The following C2 variants were observed in gnomAD, a reference collection of about 807,000 sequenced individuals.
C2 encodes the protein C3/C5 convertase.
Under a neutral mutation model 85.2 loss-of-function variants are expected in C2, and 64 were observed. The ratio of observed to expected loss-of-function variants is 0.75; its 90% confidence interval spans 0.61 to 0.92. C2 has a LOEUF of 0.92. Ranked by LOEUF, C2 falls within the 40% of genes least tolerant of loss-of-function variation. The probability of loss-of-function intolerance (pLI) is 0.00; values close to 1 mark genes in which losing one functional copy is unlikely to be tolerated. For missense variants in C2, 820 were observed against 971.6 expected, an observed-to-expected ratio of 0.84 and a Z score of 2.07; for synonymous variants, 311 against 370.8, an observed-to-expected ratio of 0.84 and a Z score of 1.85.
In C2 at chr6:31,927,847, T is replaced by C. The variant is rs775030343; in HGVS notation, c.46+49T>C. ...GTCAGGGTCCTGTGTGTGAGGTTGGTGCTCCCAGCTTGAATTCCCATGTGT... is the reference window on the plus strand; with the variant it reads ...GTCAGGGTCCTGTGTGTGAGGTTGGCGCTCCCAGCTTGAATTCCCATGTGT... On this transcript the variant is annotated intron_variant, in intron 1 of 17. Coordinates refer to ENST00000299367, the MANE Select transcript of C2 (RefSeq NM_000063.6). The surrounding 1 kb of genome is among the most constrained non-coding windows in gnomAD (Gnocchi z 4.7). The C allele has an allele frequency of 1.9e-6, 3 of 1,599,208 alleles. No homozygotes were observed. In the African/African-American group the frequency reaches 4.0e-5, roughly 21 times the overall value.
chr6:31,901,696 G>GC (rs560054595), intron 1 of C2: 58 of 191,060 alleles, frequency 3.0e-4, no homozygotes, highest in South Asian at 1.2e-3. Flanking sequence ...TCATTCCTCC[G>GC]CCCCCCCCTT....
chr6:31,927,752 C>T lies in C2; in HGVS notation c.-1C>T. 1.2e-6 allele frequency: 2 copies of T among 1,613,254 alleles called. No homozygotes were observed. The highest frequency in any genetic ancestry group is 1.1e-5 in the South Asian group (1 of 91,090). On this transcript the variant is annotated 5_prime_UTR_variant, in exon 1 of 18. Transcript: ENST00000299367. This position sits in a 1 kb window ranked among gnomAD's most constrained non-coding sequence, Gnocchi z 4.7. ...CTCTCGCCGCCCCTAGGGAGGACAC[C>T]ATGGGCCCACTGATGGTTCTTTTTT... is the stretch of plus-strand genomic sequence containing the variant.
intron 7 of C2, 90 bp downstream of exon 7, chr6:31,936,151 A>G (rs2151758344): frequency 7.0e-7 from 1 of 1,432,824 alleles, no homozygotes; most frequent in East Asian, 2.4e-5. Context: ...TTAAAAAGAG[A>G]GTGAGGCCTC....
At position 31,943,541 on chromosome 6, in the gene C2, T is replaced by C; in HGVS notation, c.1567+14T>C. The C allele has an allele frequency of 6.2e-7, 1 of 1,606,750 alleles. No homozygotes were observed. The highest frequency in any genetic ancestry group is 1.1e-5 in the South Asian group (1 of 90,966). Reference sequence around the variant, plus strand: ...GGGTCAATGTGGGTAAGGCAGGGGATGCACCAGCCTCCTGATCCTGAAGCC... The same window carrying C: ...GGGTCAATGTGGGTAAGGCAGGGGACGCACCAGCCTCCTGATCCTGAAGCC... On this transcript the variant is annotated intron_variant, in intron 12 of 17. Coordinates refer to ENST00000299367, the MANE Select transcript of C2 (RefSeq NM_000063.6). The surrounding 1 kb of genome is among the most constrained non-coding windows in gnomAD (Gnocchi z 6.4).
At chr6:31,914,003 G>A (rs1278723919) in intron 1 of C2, among the ~76,000 whole-genome samples, 1 of 151,242 alleles carries the variant, frequency 6.6e-6, no homozygotes, top group African/African-American at 2.4e-5. Context: ...TGCAACCTGC[G>A]ATCCGACTCC....
At chr6:31,934,391 C>A in intron 6 of C2, 92 bp downstream of exon 6, 1 of 1,510,710 alleles carries the variant, frequency 6.6e-7, no homozygotes, top group Non-Finnish European at 9.2e-7. Flanking sequence ...CCACTCACAG[C>A]CCACCTCCTC....
intron 3 of C2, among the ~76,000 whole-genome samples, chr6:31,933,091 CAGAGGGAGACCGTGGAAAGAGAGGG>C (rs1408113652): frequency 9.3e-5 from 14 of 150,228 alleles, no homozygotes; most frequent in African/African-American, 2.9e-4. Flanking sequence ...GGCTCGGCAT[CAGAGGGAGACCGTGGAAAGAGAGGG>C]AGAGGGAGAC....
Position 31,943,952 on chromosome 6 carries a change from T to A in C2, c.1769T>A (p.Leu590Gln). 1.2e-6 allele frequency: 2 copies of A among 1,612,988 alleles called. No homozygotes were observed. The highest frequency in any genetic ancestry group is 1.7e-6 in the Non-Finnish European group (2 of 1,180,010). The change falls in exon 14 of 18, where the codon CTG becomes CAG. Residue 590 changes from leucine (L) to glutamine (Q), a missense_variant. Coordinates refer to ENST00000299367, the MANE Select transcript of C2 (RefSeq NM_000063.6). The surrounding 1 kb of genome is among the most constrained non-coding windows in gnomAD (Gnocchi z 6.4). ...CTTCCCTGCACGATGGAGGCCAATC[T>A]GGCTCTGCGGAGACCTCAAGGCAGC... ...ICLPCTMEAN[L>Q]ALRRPQGSTC... is the part of the protein sequence containing the mutation.
chr6:31,907,664 G>A (rs1321503800), intron 1 of C2, among the ~76,000 whole-genome samples: 1 of 147,970 alleles, frequency 6.8e-6, no homozygotes, highest in Non-Finnish European at 1.5e-5. Flanking sequence ...CTGCAGCCTC[G>A]ACCTTCCTGG....
chr6:31,900,782 G>A, upstream of C2: 1 of 1,593,364 alleles, frequency 6.3e-7, no homozygotes, highest in East Asian at 2.2e-5. This position sits in a 1 kb window ranked among gnomAD's most constrained non-coding sequence, Gnocchi z 9.7. Flanking sequence ...CCGCAGGAGT[G>A]GAGGGGGTAG....
intron 3 of C2, among the ~76,000 whole-genome samples, chr6:31,931,352 G>A (rs1769729276): frequency 6.6e-6 from 1 of 150,760 alleles, no homozygotes; most frequent in South Asian, 2.1e-4. Context: ...TGGAGGGAAG[G>A]TCAGCAGATA....
intron 8 of C2, 131 bp downstream of exon 8, chr6:31,937,590 G>A (rs1770537396): frequency 3.7e-6 from 4 of 1,091,208 alleles, no homozygotes; most frequent in Non-Finnish European, 4.1e-6. Flanking sequence ...TTTTAGAGAT[G>A]GGGCCTTGCT....
At chr6:31,916,768 T>G (rs1289016869), upstream of C2, among the ~76,000 whole-genome samples, 3 of 94,284 alleles carry the variant, frequency 3.2e-5, no homozygotes, top group Admixed American at 3.6e-4. Context: ...TTTTTTTTTT[T>G]GAGACAGAGT....
In C2 at chr6:31,922,372, C is replaced by T. The variant is rs748700782; in HGVS notation, c.-100+2346C>T. Among the ~76,000 whole-genome samples, 13 of 152,108 alleles carry T rather than the reference C, an allele frequency of 8.5e-5. No homozygotes were observed. The highest frequency in any genetic ancestry group is 1.8e-4 in the Non-Finnish European group (12 of 68,010). ...GGGGTGGCAGATCCTAGGATGACCG[C>T]GAAGTCCATGCCCAAGTGGCCAGAC... On this transcript the variant is annotated intron_variant, in intron 1 of 3. Transcript: ENST00000413154. The surrounding 1 kb of genome is among the most constrained non-coding windows in gnomAD (Gnocchi z 4.8).
upstream of C2, among the ~76,000 whole-genome samples, chr6:31,915,293 T>A (rs189946037): frequency 2.6e-5 from 4 of 152,286 alleles, no homozygotes; most frequent in Admixed American, 2.0e-4. Flanking sequence ...CTTCCTTCCC[T>A]CCCCAGCCCT....
intron 1 of C2, among the ~76,000 whole-genome samples, chr6:31,914,452 G>A (rs565421974): frequency 2.6e-5 from 4 of 151,342 alleles, no homozygotes; most frequent in Non-Finnish European, 4.4e-5. Context: ...TTAGCTGGGC[G>A]TAGTGGTGTA....
At chr6:31,927,615 C>G, upstream of C2, 1 of 1,594,528 alleles carries the variant, frequency 6.3e-7, no homozygotes, top group Non-Finnish European at 8.5e-7. This position sits in a 1 kb window ranked among gnomAD's most constrained non-coding sequence, Gnocchi z 4.7. Context: ...AACAGAAGAC[C>G]ATCCCCCTTG....
In C2 at chr6:31,921,248, G is replaced by A. The variant is rs1238016212; in HGVS notation, c.-100+1222G>A. On this transcript the variant is annotated intron_variant, in intron 1 of 3. Transcript: ENST00000413154. This position sits in a 1 kb window ranked among gnomAD's most constrained non-coding sequence, Gnocchi z 4.6. ...TACTTGGGGTGGAAATAGGATGGGG[G>A]AGGGCATTGGCTTGACCTTACTTGG... Among the ~76,000 whole-genome samples, 1 of 152,090 alleles carries A rather than the reference G, an allele frequency of 6.6e-6. No individual in the cohort carries two copies. Among genetic ancestry groups the A allele is most frequent in the African/African-American group, 2.4e-5 (1 of 41,408 alleles).
intron 3 of C2, chr6:31,932,483 G>A: frequency 3.1e-5 from 8 of 258,438 alleles, no homozygotes; most frequent in Admixed American, 5.3e-5. Context: ...GGATGGGGCG[G>A]CCGGGCAGAG....
Sources: allele counts gnomAD v4.1 joint callset (sites outside exome capture counted in the v4.1 genomes callset), GRCh38; gene constraint gnomAD v4.1.1; non-coding constraint Gnocchi (gnomAD v3.1); transcripts MANE v1.5; gene names NCBI Gene and HGNC (gene_info 2026-07-23, HGNC 2026-07-21).